Variants in GALNT14 observed in about 807,000 individuals in gnomAD.
GALNT14 encodes the protein polypeptide N-acetylgalactosaminyltransferase 14, also known as UDP-GalNAc:polypeptide N-acetylgalactosaminyltransferase 14.
A neutral mutation model predicts 77.5 loss-of-function variants in GALNT14; 60 were observed. The observed-to-expected ratio is 0.77, with a 90% CI of 0.63 to 0.96. GALNT14 has a LOEUF of 0.96. Among genes scored for constraint, GALNT14 ranks in the 40% least tolerant of loss-of-function variants. GALNT14 has a pLI of 0.00. For missense variants in GALNT14, 710 were observed against 731.0 expected, an observed-to-expected ratio of 0.97 and a Z score of 0.33; for synonymous variants, 280 against 281.7, an observed-to-expected ratio of 0.99 and a Z score of 0.06.
chr2:31,013,117 A>C (rs1671139777), intron 1 of GALNT14, among the ~76,000 whole-genome samples: 1 of 152,224 alleles, frequency 6.6e-6, no homozygotes, highest in South Asian at 2.1e-4. Flanking sequence ...TGGGCAAGTC[A>C]CTGGGACTCA....
At chr2:31,035,001 G>A (rs1573209060) in intron 1 of GALNT14, among the ~76,000 whole-genome samples, 1 of 152,176 alleles carries the variant, frequency 6.6e-6, no homozygotes, top group East Asian at 1.9e-4. Context: ...TTCAGGTTGT[G>A]TTACGGTCTA....
At chr2:31,014,693 T>A (rs915504700) in intron 1 of GALNT14, among the ~76,000 whole-genome samples, 3 of 152,182 alleles carry the variant, frequency 2.0e-5, no homozygotes, top group African/African-American at 7.2e-5. Flanking sequence ...AGTGTGACCT[T>A]GAGCAAGTCA....
At chr2:31,020,878 C>T (rs138426767) in intron 1 of GALNT14, among the ~76,000 whole-genome samples, 28 of 152,336 alleles carry the variant, frequency 1.8e-4, no homozygotes, top group African/African-American at 6.5e-4. Flanking sequence ...TTTCCAGCAG[C>T]CTGCACATTT....
chr2:31,027,067 CGCTGGTCCATCTG>C (rs1672102807), intron 1 of GALNT14, among the ~76,000 whole-genome samples: 1 of 152,184 alleles, frequency 6.6e-6, no homozygotes, highest in South Asian at 2.1e-4. Context: ...AACAAACAAA[CGCTGGTCCATCTG>C]GCACTGTATC....
chr2:30,961,316 C>T (rs1195689552), intron 3 of GALNT14, among the ~76,000 whole-genome samples: 2 of 152,222 alleles, frequency 1.3e-5, no homozygotes, highest in Admixed American at 1.3e-4. Context: ...TCAAACGCTC[C>T]ATAAATACCA....
intron 1 of GALNT14, among the ~76,000 whole-genome samples, chr2:31,083,315 C>G (rs527946425): frequency 6.6e-6 from 1 of 152,146 alleles, no homozygotes; most frequent in East Asian, 1.9e-4. Flanking sequence ...AAGCACCACA[C>G]GTTCTTGGAT....
chr2:31,046,935 A>G (rs1005453453), intron 1 of GALNT14, among the ~76,000 whole-genome samples: 1 of 152,186 alleles, frequency 6.6e-6, no homozygotes, highest in African/African-American at 2.4e-5. Context: ...GAGGCAACAC[A>G]GAAATCAAAA....
At chr2:31,104,108 C>A (rs573001031) in intron 1 of GALNT14, among the ~76,000 whole-genome samples, 18 of 152,214 alleles carry the variant, frequency 1.2e-4, no homozygotes, top group African/African-American at 3.6e-4. Context: ...CTGTGGCCAA[C>A]CTGGTATTTT....
At chr2:31,058,271 G>T (rs896416841) in intron 1 of GALNT14, among the ~76,000 whole-genome samples, 2 of 152,124 alleles carry the variant, frequency 1.3e-5, no homozygotes, top group Admixed American at 1.3e-4. Flanking sequence ...CCCCTGACCC[G>T]TGGGAAGGGA....
chr2:31,130,099 C>T (rs1481651120), intron 1 of GALNT14, among the ~76,000 whole-genome samples: 1 of 152,184 alleles, frequency 6.6e-6, no homozygotes, highest in Non-Finnish European at 1.5e-5. Context: ...GTTAAGAAGA[C>T]AAGTGACATA....
chr2:30,944,113 G>A (rs532493527), intron 8 of GALNT14, among the ~76,000 whole-genome samples: 43 of 152,316 alleles, frequency 2.8e-4, no homozygotes, highest in African/African-American at 1.0e-3. Context: ...AGGCAGGCTT[G>A]TTTTAGCTTA....
In GALNT14 at chr2:30,983,813, G is replaced by GCACA. The variant is rs150080402; in HGVS notation, c.299+9021_299+9024dup. ...CACACACACACACACACACACGTAT[G>GCACA]CACACACACACACACTTTCTCTAAC... On this transcript the variant is annotated intron_variant, in intron 2 of 14. Transcript: ENST00000349752. Among the ~76,000 whole-genome samples, 274 of 54,936 alleles carry GCACA rather than the reference G, an allele frequency of 5.0e-3. 1 individual carries two copies. Among genetic ancestry groups the GCACA allele is most frequent in the Non-Finnish European group, 8.2e-3 (147 of 17,842 alleles). 36.0% of individuals were successfully genotyped at this position (54,936 alleles called of 152,430 possible). A position where few individuals can be genotyped will look rare whatever the true frequency, so the allele number is the denominator to read the frequency against.
chr2:30,906,863 C>G (rs1015742111), downstream of GALNT14, among the ~76,000 whole-genome samples: 2 of 152,214 alleles, frequency 1.3e-5, no homozygotes. Context: ...AACTATCTCT[C>G]AGACCACAGT....
chr2:31,113,363 G>T (rs1354153865), intron 1 of GALNT14, among the ~76,000 whole-genome samples: 2 of 152,156 alleles, frequency 1.3e-5, no homozygotes, highest in Non-Finnish European at 2.9e-5. Context: ...CTGGAGAATG[G>T]CATCTAAGAA....
chr2:31,138,331 C>A lies in GALNT14; in HGVS notation c.-245G>T. On this transcript the variant is annotated 5_prime_UTR_variant, in exon 1 of 15. Coordinates refer to ENST00000349752, the MANE Select transcript of GALNT14 (RefSeq NM_024572.4). ...AAGGACCGAGGGCAGCCAAGCTGGA[C>A]GCCCGCTCCAGCGGGAGAAGCGCGG... is the stretch of plus-strand genomic sequence containing the variant. 1 of 472,420 alleles carries A rather than the reference C, an allele frequency of 2.1e-6. No homozygotes were observed. The highest frequency in any genetic ancestry group is 3.7e-6 in the Non-Finnish European group (1 of 269,088). The allele number at this position is 472,420 out of a possible 1,614,324, so 29.3% of individuals were successfully genotyped here.
intron 13 of GALNT14, among the ~76,000 whole-genome samples, chr2:30,921,444 G>A (rs1665024689): frequency 6.6e-6 from 1 of 152,184 alleles, no homozygotes; most frequent in South Asian, 2.1e-4. Flanking sequence ...CACGCCTTAA[G>A]CAAAATCAAC....
intron 1 of GALNT14, among the ~76,000 whole-genome samples, chr2:31,014,596 C>T (rs952511043): frequency 1.3e-5 from 2 of 152,182 alleles, no homozygotes; most frequent in Non-Finnish European, 2.9e-5. Context: ...ATATGACTAG[C>T]CCTGAGGAAC....
intron 1 of GALNT14, among the ~76,000 whole-genome samples, chr2:31,039,547 C>A (rs1672973205): frequency 6.6e-6 from 1 of 152,186 alleles, no homozygotes; most frequent in African/African-American, 2.4e-5. Flanking sequence ...CATCCAGTGG[C>A]CAATCAGTTC....
chr2:31,059,147 AC>A (rs1416769301), intron 1 of GALNT14, among the ~76,000 whole-genome samples: 2 of 152,138 alleles, frequency 1.3e-5, no homozygotes, highest in Non-Finnish European at 2.9e-5. Flanking sequence ...GAAAAGCTGA[AC>A]CCCCTGATTT....
Sources: gnomAD v4.1 joint callset for allele counts (sites outside exome capture counted in the v4.1 genomes callset) on GRCh38, gnomAD v4.1.1 for gene constraint, MANE v1.5 for transcripts, NCBI Gene and HGNC (gene_info 2026-07-23, HGNC 2026-07-21) for gene names.